Variants in FRMD4A observed in about 807,000 individuals in gnomAD.
FRMD4A encodes FERM domain-containing protein 4A.
FRMD4A carries 29 observed loss-of-function variants against 129.1 expected under a neutral mutation model. The observed-to-expected ratio is 0.22, with a 90% confidence interval of 0.17 to 0.31. The LOEUF (loss-of-function observed/expected upper bound fraction) is 0.31. FRMD4A is among the 10% of genes least tolerant of loss of function. The pLI, the probability that FRMD4A is intolerant of heterozygous loss-of-function variation, is 1.00. For missense variants in FRMD4A, 1,272 were observed against 1,375.8 expected (o/e 0.92, Z 1.19); for synonymous variants, 634 against 571.6 (o/e 1.11, Z -1.56).
chr10:13,889,119 A>T (rs926947280), intron 2 of FRMD4A, among the ~76,000 whole-genome samples: 1 of 152,264 alleles, frequency 6.6e-6, no homozygotes, highest in Admixed American at 6.5e-5. Flanking sequence ...ATATTCATGC[A>T]GTAAAGGCAG....
chr10:13,983,844 A>G (rs1476143552), intron 2 of FRMD4A, among the ~76,000 whole-genome samples: 4 of 152,034 alleles, frequency 2.6e-5, no homozygotes, highest in South Asian at 4.2e-4. Context: ...TACTAAAAAA[A>G]AAAACAAAAA....
chr10:13,675,151 G>C, intron 15 of FRMD4A, 107 bp from the exon 16 acceptor site: 5 of 992,242 alleles, frequency 5.0e-6, no homozygotes, highest in Non-Finnish European at 6.2e-6. Context: ...TTTACCCCAG[G>C]AATCAAGGGA....
At chr10:13,769,408 G>C (rs942514499) in intron 6 of FRMD4A, among the ~76,000 whole-genome samples, 1 of 151,970 alleles carries the variant, frequency 6.6e-6, no homozygotes, top group Non-Finnish European at 1.5e-5. Flanking sequence ...TCCTGGGTTC[G>C]AGCGATTCTT....
chr10:14,175,692 T>C (rs1841697280), intron 2 of FRMD4A, among the ~76,000 whole-genome samples: 2 of 151,998 alleles, frequency 1.3e-5, no homozygotes, highest in African/African-American at 4.8e-5. Flanking sequence ...GCCCAACTAA[T>C]TTTTAATTTT....
chr10:14,013,378 T>C (rs1328152137), intron 2 of FRMD4A, among the ~76,000 whole-genome samples: 2 of 152,148 alleles, frequency 1.3e-5, no homozygotes, highest in Non-Finnish European at 1.5e-5. Flanking sequence ...AAGCAGGACA[T>C]GCACAAGGGG....
chr10:14,299,811 G>C (rs911812569), intron 2 of FRMD4A, among the ~76,000 whole-genome samples: 4 of 152,124 alleles, frequency 2.6e-5, no homozygotes, highest in African/African-American at 9.7e-5. Context: ...ATCTGTCAGG[G>C]AAGATTAGAA....
chr10:13,740,511 CT>C lies in FRMD4A; in HGVS notation c.614del (p.Asn205ThrfsTer3). On this transcript the variant is annotated frameshift_variant and splice_region_variant, in exon 10 of 25. Coordinates refer to ENST00000357447, the MANE Select transcript of FRMD4A (RefSeq NM_018027.5). LOFTEE classifies it high-confidence loss of function. ...ATGTGAGCTGGGAAGGGGCCACTTACTTTACGATTGCTTGACCTCTTGTCTG... is the reference window on the plus strand; with the variant it reads ...ATGTGAGCTGGGAAGGGGCCACTTACTTACGATTGCTTGACCTCTTGTCTG... Reference protein sequence around the residue: ...NGQTRGQAIVNYMSIVESLPT... With the variant: ...NGQTRGQAIVXYMSIVESLPT... 6.4e-7 allele frequency: 1 copy of C among 1,560,726 alleles called. No individual in the cohort carries two copies. The highest frequency in any genetic ancestry group is 8.8e-7 in the Non-Finnish European group (1 of 1,133,342).
At chr10:13,714,431 A>T (rs2088572752) in intron 12 of FRMD4A, among the ~76,000 whole-genome samples, 7 of 150,316 alleles carry the variant, frequency 4.7e-5, no homozygotes, top group Admixed American at 4.0e-4. Flanking sequence ...TTTTTTAGGC[A>T]TTCAATATAT....
chr10:13,711,865 A>G (rs1052940543), intron 12 of FRMD4A: 3 of 152,246 alleles, frequency 2.0e-5, no homozygotes, highest in African/African-American at 7.2e-5. Flanking sequence ...AACCAGAAAT[A>G]GAAGTCAAGG....
chr10:14,067,140 A>T (rs954741911), intron 2 of FRMD4A, among the ~76,000 whole-genome samples: 3 of 151,830 alleles, frequency 2.0e-5, no homozygotes, highest in East Asian at 3.9e-4. Context: ...ACATGGTGAA[A>T]CCCCGTCTCT....
chr10:13,796,674 G>C (rs1437243469), intron 4 of FRMD4A, 86 bp from the exon 5 acceptor site: 8 of 710,328 alleles, frequency 1.1e-5, no homozygotes, highest in Non-Finnish European at 2.0e-5. Flanking sequence ...AGCAGAACGT[G>C]CTGGATCGTA....
intron 2 of FRMD4A, among the ~76,000 whole-genome samples, chr10:14,186,380 G>T (rs992002137): frequency 6.6e-6 from 1 of 152,118 alleles, no homozygotes; most frequent in African/African-American, 2.4e-5. Context: ...GACCTTTCTA[G>T]GTTTCCCCTT....
chr10:14,185,434 A>C (rs1842060012), intron 2 of FRMD4A, among the ~76,000 whole-genome samples: 1 of 152,266 alleles, frequency 6.6e-6, no homozygotes. Flanking sequence ...GAGCTAGTAC[A>C]GATGAGGATG....
chr10:14,067,667 C>T (rs548961656), intron 2 of FRMD4A, among the ~76,000 whole-genome samples: 1 of 150,860 alleles, frequency 6.6e-6, no homozygotes, highest in African/African-American at 2.4e-5. Flanking sequence ...AAATACAAAA[C>T]TTAGCTGGGC....
At chr10:14,097,198 A>G (rs984432217) in intron 2 of FRMD4A, 1 of 151,246 alleles carries the variant, frequency 6.6e-6, no homozygotes, top group Non-Finnish European at 1.5e-5. Flanking sequence ...CATTTGTGGA[A>G]GACATCCTGG....
chr10:13,965,393 A>C (rs2095479377), intron 2 of FRMD4A, among the ~76,000 whole-genome samples: 1 of 152,234 alleles, frequency 6.6e-6, no homozygotes, highest in Middle Eastern at 3.2e-3. Context: ...CCCAATCCTC[A>C]GACTGATAAG....
chr10:13,753,144 C>CTGA (rs769771902), intron 8 of FRMD4A, among the ~76,000 whole-genome samples: 1 of 152,248 alleles, frequency 6.6e-6, no homozygotes, highest in African/African-American at 2.4e-5. Context: ...TCATTCTTTG[C>CTGA]TGATCTTTAA....
chr10:13,858,529 A>G (rs138772118), intron 3 of FRMD4A, among the ~76,000 whole-genome samples: 20 of 152,378 alleles, frequency 1.3e-4, no homozygotes, highest in African/African-American at 4.6e-4. Flanking sequence ...AGTTACAGCA[A>G]GAGTTACTTA....
intron 6 of FRMD4A, among the ~76,000 whole-genome samples, chr10:13,776,927 A>C (rs568764395): frequency 2.6e-5 from 4 of 152,356 alleles, no homozygotes; most frequent in African/African-American, 9.6e-5. Flanking sequence ...CTCGGGTCTA[A>C]ATCCAACGAG....
Sources: allele counts gnomAD v4.1 joint callset (sites outside exome capture counted in the v4.1 genomes callset), GRCh38; gene constraint gnomAD v4.1.1; transcripts MANE v1.5; gene names NCBI Gene and HGNC (gene_info 2026-07-23, HGNC 2026-07-21).